The following SLC4A4 variants were observed in gnomAD, a reference collection of about 807,000 sequenced individuals.
The protein encoded by SLC4A4 is electrogenic sodium bicarbonate cotransporter 1.
Under a neutral mutation model 111.5 loss-of-function variants are expected in SLC4A4, and 27 were observed. The ratio of observed to expected loss-of-function variants is 0.24; its 90% CI spans 0.18 to 0.33. SLC4A4 has a LOEUF of 0.33. Among genes scored for constraint, SLC4A4 ranks in the 10% least tolerant of loss-of-function variants. The pLI, the probability that SLC4A4 is intolerant of heterozygous loss-of-function variation, is 1.00. For synonymous variants in SLC4A4, 443 were observed against 463.4 expected, an observed-to-expected ratio of 0.96 and a Z score of 0.57; for missense variants, 909 against 1,315.5, an observed-to-expected ratio of 0.69 and a Z score of 4.78.
Position 71,440,848 on chromosome 4 carries a change from T to C in SLC4A4, c.965+75T>C, listed in dbSNP as rs747911859. ...CCTCCCATTCAGGCTGGAGAATCAA[T>C]AGAATGAGGAAATATTTAGTGCAAA... On this transcript the variant is annotated intron_variant, in intron 8 of 25. Transcript: ENST00000264485. 4.1e-4 allele frequency: 615 copies of C among 1,501,946 alleles called. 1 individual carries two copies. Among genetic ancestry groups the C allele is most frequent in the Non-Finnish European group, 5.2e-4 (561 of 1,079,980 alleles). The allele number at this position is 1,501,946 out of a possible 1,614,324, so 93.0% of individuals were successfully genotyped here. A position where few individuals can be genotyped will look rare whatever the true frequency, so the allele number is the denominator to read the frequency against.
At chr4:71,347,529 C>A (rs1729434287) in intron 4 of SLC4A4, among the ~76,000 whole-genome samples, 1 of 152,080 alleles carries the variant, frequency 6.6e-6, no homozygotes, top group Admixed American at 6.6e-5. Context: ...TCTGGGGACT[C>A]TTTTATAAAG....
intron 6 of SLC4A4, among the ~76,000 whole-genome samples, chr4:71,369,046 G>A (rs149935115): frequency 3.3e-5 from 5 of 152,204 alleles, no homozygotes; most frequent in African/African-American, 9.6e-5. Flanking sequence ...ACTAAAGTGC[G>A]CAGCCCGCTT....
intron 16 of SLC4A4, among the ~76,000 whole-genome samples, chr4:71,516,080 CTTTTTTTTTTTTTTTTTTTTTTT>C (rs60338885): frequency 7.5e-4 from 23 of 30,612 alleles, no homozygotes; most frequent in Admixed American, 4.9e-3. Flanking sequence ...TGGGGGATTT[CTTTTTTTTTTTTTTTTTTTTTTT>C]TTTTTTTTTT....
chr4:71,121,513 C>G (rs1743428035), intron 2 of SLC4A4, among the ~76,000 whole-genome samples: 1 of 152,218 alleles, frequency 6.6e-6, no homozygotes, highest in Non-Finnish European at 1.5e-5. Context: ...CTGTGTCTAG[C>G]TCAGGGTTTG....
intron 16 of SLC4A4, among the ~76,000 whole-genome samples, chr4:71,500,208 G>A (rs1466113091): frequency 6.6e-6 from 1 of 151,822 alleles, no homozygotes; most frequent in Non-Finnish European, 1.5e-5. Flanking sequence ...TTTATCTTTT[G>A]GCCATTTATG....
chr4:71,086,978 T>A (rs1262596019), intron 1 of SLC4A4, among the ~76,000 whole-genome samples: 2 of 152,056 alleles, frequency 1.3e-5, no homozygotes, highest in Non-Finnish European at 2.9e-5. Flanking sequence ...TCAGAAGGAA[T>A]GGTACCAGCT....
In SLC4A4 at chr4:71,362,605, C is replaced by T. The variant is rs565121474; in HGVS notation, c.730+5418C>T. 3.3e-5 allele frequency among the ~76,000 whole-genome samples: 5 copies of T among 152,308 alleles called. No individual in the cohort carries two copies. In the South Asian group the frequency reaches 1.0e-3, roughly 32 times the overall value. ...CAGATATAGTGCTGATTTATTCCCTCTGCCCTTTGTTAAGTGATACCAATA... is the reference window on the plus strand; with the variant it reads ...CAGATATAGTGCTGATTTATTCCCTTTGCCCTTTGTTAAGTGATACCAATA... On this transcript the variant is annotated intron_variant, in intron 6 of 25. Transcript: ENST00000264485.
intron 1 of SLC4A4, among the ~76,000 whole-genome samples, chr4:71,209,767 CTT>C (rs1171223440): frequency 2.0e-5 from 3 of 151,986 alleles, no homozygotes; most frequent in Non-Finnish European, 2.9e-5. Context: ...AGGTAGCTGA[CTT>C]TGCTATTGTG....
chr4:71,349,872 G>C (rs1031926577), intron 4 of SLC4A4, 40 bp from the exon 5 acceptor site: 1 of 1,608,380 alleles, frequency 6.2e-7, no homozygotes, highest in Non-Finnish European at 8.5e-7. Flanking sequence ...GAGGAAGTTA[G>C]AACACTTTTA....
intron 3 of SLC4A4, among the ~76,000 whole-genome samples, chr4:71,338,350 T>C (rs1438195717): frequency 6.6e-6 from 1 of 152,180 alleles, no homozygotes; most frequent in Admixed American, 6.5e-5. Context: ...TATATATGCA[T>C]GTGTGTATGT....
At chr4:71,227,129 C>T (rs1719099503) in intron 1 of SLC4A4, among the ~76,000 whole-genome samples, 2 of 152,014 alleles carry the variant, frequency 1.3e-5, no homozygotes, top group Admixed American at 1.3e-4. Flanking sequence ...TAGCTCTGCT[C>T]AGGGAAGGGT....
intron 12 of SLC4A4, among the ~76,000 whole-genome samples, 192 bp from the exon 13 acceptor site, chr4:71,466,252 A>G (rs1162050707): frequency 6.6e-6 from 1 of 152,134 alleles, no homozygotes; most frequent in African/African-American, 2.4e-5. Flanking sequence ...CCATGACTAA[A>G]TTGTAGGTGA....
At chr4:71,256,980 T>C (rs912980689) in intron 3 of SLC4A4, among the ~76,000 whole-genome samples, 1 of 152,168 alleles carries the variant, frequency 6.6e-6, no homozygotes, top group African/African-American at 2.4e-5. Flanking sequence ...GGTGCTCACC[T>C]AGACAAATAG....
At chr4:71,186,120 A>C (rs1293470986), upstream of SLC4A4, among the ~76,000 whole-genome samples, 1 of 152,182 alleles carries the variant, frequency 6.6e-6, no homozygotes, top group Non-Finnish European at 1.5e-5. Context: ...ATGGTGCTGG[A>C]TCACTGATAT....
At chr4:71,409,283 T>C (rs935383678) in intron 7 of SLC4A4, among the ~76,000 whole-genome samples, 4 of 152,012 alleles carry the variant, frequency 2.6e-5, no homozygotes, top group African/African-American at 9.7e-5. Context: ...CAGAAGAAGA[T>C]AGGAAAATGT....
intron 2 of SLC4A4, among the ~76,000 whole-genome samples, chr4:71,125,346 G>A (rs1375736390): frequency 6.6e-6 from 1 of 152,188 alleles, no homozygotes; most frequent in Non-Finnish European, 1.5e-5. Context: ...CCTGATAGGG[G>A]CAAGTCACTT....
Position 71,451,235 on chromosome 4 carries a change from C to T in SLC4A4, c.1256C>T (p.Thr419Met), listed in dbSNP as rs150324904. 30 of 1,612,640 alleles carry T rather than the reference C, an allele frequency of 1.9e-5. No individual in the cohort carries two copies. The highest frequency in any genetic ancestry group is 4.4e-5 in the South Asian group (4 of 91,054). ...GAGAATGTTCAGATGAATGGGGATA[C>T]GCCCCATGATGGAGGTCACGGAGGA... is the stretch of plus-strand genomic sequence containing the variant. ...GGENVQMNGDTPHDGGHGGGG... is the reference protein window; with the variant it reads ...GGENVQMNGDMPHDGGHGGGG... Residue 419 changes from threonine to methionine, a missense_variant, in exon 11 of 26, where the codon ACG becomes ATG. By Grantham distance (81) the Thr-to-Met change is moderately conservative. Coordinates refer to ENST00000264485, the MANE Select transcript of SLC4A4 (RefSeq NM_001098484.3).
At chr4:71,292,353 T>C (rs1724423292) in intron 3 of SLC4A4, among the ~76,000 whole-genome samples, 1 of 152,190 alleles carries the variant, frequency 6.6e-6, no homozygotes, top group Non-Finnish European at 1.5e-5. Context: ...TTCCCAGTTA[T>C]AGCAAAACTG....
intron 7 of SLC4A4, among the ~76,000 whole-genome samples, chr4:71,426,750 G>A (rs1700273103): frequency 6.6e-6 from 1 of 152,068 alleles, no homozygotes; most frequent in Non-Finnish European, 1.5e-5. Flanking sequence ...TTTATCTAAA[G>A]TAATGGAATA....
Sources: gnomAD v4.1 joint callset for allele counts (sites outside exome capture counted in the v4.1 genomes callset) on GRCh38, gnomAD v4.1.1 for gene constraint, MANE v1.5 for transcripts, NCBI Gene and HGNC (gene_info 2026-07-23, HGNC 2026-07-21) for gene names.